Variants in SLC12A8 observed in about 807,000 individuals in gnomAD.
The protein encoded by SLC12A8 is solute carrier family 12 member 8, also known as cation-chloride cotransporter 9.
Under a neutral mutation model 75.6 loss-of-function variants are expected in SLC12A8, and 69 were observed. The ratio of observed to expected loss-of-function variants is 0.91; its 90% CI spans 0.75 to 1.11. SLC12A8 has a LOEUF of 1.11. Ranked by LOEUF, SLC12A8 falls within the 50% of genes most tolerant of loss-of-function variation. The probability of loss-of-function intolerance (pLI) is 0.00; values close to 1 mark genes in which losing one functional copy is unlikely to be tolerated. For synonymous variants in SLC12A8, 365 were observed against 372.8 expected (o/e 0.98, Z 0.24); for missense variants, 877 against 896.7 (o/e 0.98, Z 0.28).
chr3:125,210,514 C>T (rs1218920488), intron 2 of SLC12A8, among the ~76,000 whole-genome samples: 1 of 152,158 alleles, frequency 6.6e-6, no homozygotes, highest in Non-Finnish European at 1.5e-5. Flanking sequence ...CTCAGAATGT[C>T]TTATTTGTCT....
chr3:125,148,011 C>T (rs560387161), intron 5 of SLC12A8, among the ~76,000 whole-genome samples: 9 of 152,118 alleles, frequency 5.9e-5, no homozygotes, highest in Non-Finnish European at 1.0e-4. Flanking sequence ...GCGAGGCAGG[C>T]GTTATTACCT....
intron 4 of SLC12A8, among the ~76,000 whole-genome samples, chr3:125,179,729 G>A (rs370618294): frequency 7.7e-6 from 1 of 129,098 alleles, no homozygotes; most frequent in African/African-American, 3.0e-5. Flanking sequence ...GAGAGAGAGA[G>A]AGAAAGAGAA....
chr3:125,149,758 A>T (rs1177055157), intron 5 of SLC12A8, among the ~76,000 whole-genome samples: 1 of 152,026 alleles, frequency 6.6e-6, no homozygotes, highest in Non-Finnish European at 1.5e-5. Flanking sequence ...GCAGAGGGGA[A>T]AAAGAGAGAC....
intron 5 of SLC12A8, among the ~76,000 whole-genome samples, chr3:125,175,467 C>T (rs1358218783): frequency 1.3e-5 from 2 of 152,036 alleles, no homozygotes; most frequent in Non-Finnish European, 2.9e-5. Context: ...AATGTATTGA[C>T]CAGAAGGAAG....
chr3:125,190,434 T>G lies in SLC12A8; in HGVS notation c.139A>C (p.Thr47Pro), dbSNP rs950775065. ...CCAAAGATGTTGATCATGCAGGATG[T>G]GAACACACCATCCCAGGTCCCAAAC... is the stretch of plus-strand genomic sequence containing the variant. ...VLFGTWDGVFTSCMINIFGVV... is the reference protein window; with the variant it reads ...VLFGTWDGVFPSCMINIFGVV... The change falls in exon 3 of 14, where the codon ACA becomes CCA. Residue 47 changes from threonine (T) to proline (P), a missense_variant. Transcript: ENST00000469902. 32 of 1,614,026 alleles carry G rather than the reference T, an allele frequency of 2.0e-5. No homozygotes were observed. The highest frequency in any genetic ancestry group is 2.7e-5 in the Non-Finnish European group (32 of 1,180,028).
At chr3:125,090,962 T>C (rs1158200413) in intron 12 of SLC12A8, among the ~76,000 whole-genome samples, 3 of 152,208 alleles carry the variant, frequency 2.0e-5, no homozygotes, top group Non-Finnish European at 4.4e-5. Flanking sequence ...TAAACCATCT[T>C]GTTATTTGTT....
intron 5 of SLC12A8, among the ~76,000 whole-genome samples, chr3:125,142,616 G>A (rs1240867478): frequency 6.6e-6 from 1 of 152,212 alleles, no homozygotes; most frequent in Non-Finnish European, 1.5e-5. Context: ...ACTCACTGTG[G>A]GACTGTAAAC....
intron 5 of SLC12A8, among the ~76,000 whole-genome samples, chr3:125,171,984 G>A (rs9820031): frequency 0.13 from 881 of 6,532 alleles, 90 homozygotes; most frequent in Non-Finnish European, 0.26. Flanking sequence ...AAGAAAAGGT[G>A]AAAATTAGGC....
intron 9 of SLC12A8, among the ~76,000 whole-genome samples, chr3:125,108,589 A>T (rs1939102964): frequency 6.6e-6 from 1 of 152,114 alleles, no homozygotes. Flanking sequence ...GGCCAGTCAC[A>T]AACTCCTGGC....
chr3:125,211,539 T>C, intron 1 of SLC12A8, 145 bp from the exon 2 acceptor site: 1 of 629,892 alleles, frequency 1.6e-6, no homozygotes, highest in Admixed American at 2.5e-5. Flanking sequence ...TCTGGAAACT[T>C]GGCCGGGTTA....
chr3:125,196,959 A>G (rs1019107047), intron 2 of SLC12A8, among the ~76,000 whole-genome samples: 11 of 152,308 alleles, frequency 7.2e-5, no homozygotes, highest in Admixed American at 3.9e-4. Flanking sequence ...ATAAGCCAAG[A>G]CATCCCAGTG....
chr3:125,182,864 TGTGTATAA>T (rs770509499), intron 4 of SLC12A8, among the ~76,000 whole-genome samples: 1 of 152,156 alleles, frequency 6.6e-6, no homozygotes, highest in African/African-American at 2.4e-5. Context: ...CATAAATACA[TGTGTATAA>T]GCCGAGGGAA....
chr3:125,169,169 G>C (rs1415285018), intron 5 of SLC12A8, among the ~76,000 whole-genome samples: 3 of 152,172 alleles, frequency 2.0e-5, no homozygotes, highest in African/African-American at 7.2e-5. Context: ...AAATCATTTT[G>C]GCATGACACT....
chr3:125,190,283 G>C (rs1934883669), intron 3 of SLC12A8, 92 bp downstream of exon 3: 2 of 1,372,202 alleles, frequency 1.5e-6, no homozygotes, highest in African/African-American at 1.4e-5. Flanking sequence ...TGTGCTTCAG[G>C]AATCTGTGGC....
chr3:125,129,176 A>T (rs984738105), intron 6 of SLC12A8, among the ~76,000 whole-genome samples: 1 of 152,198 alleles, frequency 6.6e-6, no homozygotes, highest in African/African-American at 2.4e-5. Flanking sequence ...AGAATCTGGG[A>T]ACAAGGGTTA....
chr3:125,092,808 A>G (rs1334353591), intron 10 of SLC12A8, among the ~76,000 whole-genome samples: 1 of 152,186 alleles, frequency 6.6e-6, no homozygotes, highest in African/African-American at 2.4e-5. Context: ...GGGCTTTCAG[A>G]GCTATGTCAT....
chr3:125,108,116 T>C lies in SLC12A8; in HGVS notation c.1070A>G (p.Asn357Ser), dbSNP rs762992351. The C allele has an allele frequency of 5.0e-6, 8 of 1,612,650 alleles. No individual in the cohort carries two copies. The highest frequency in any genetic ancestry group is 5.9e-6 in the Non-Finnish European group (7 of 1,179,126). The change falls in exon 10 of 14, where the codon AAC (asparagine) becomes AGC (serine). Residue 357 changes from asparagine to serine, a missense_variant. Coordinates refer to ENST00000469902, the MANE Select transcript of SLC12A8 (RefSeq NM_024628.6). ...LACLGQGKGP[N>S]KTPVAAICLT... ...GCAGATGGCAGCCACGGGTGTTTTG[T>C]TTGGCCCCTTCTGCAGGAACAAAAA...
chr3:125,138,469 A>G (rs1344106176), intron 5 of SLC12A8, among the ~76,000 whole-genome samples: 29 of 152,188 alleles, frequency 1.9e-4, no homozygotes. Context: ...TTTATGTGGA[A>G]CTGAGACATT....
chr3:125,189,498 C>A (rs1934866595), intron 3 of SLC12A8, among the ~76,000 whole-genome samples: 2 of 152,196 alleles, frequency 1.3e-5, no homozygotes, highest in South Asian at 4.1e-4. Context: ...CTGTTCCACC[C>A]CAAGGGACTT....
Sources: gnomAD v4.1 joint callset for allele counts (sites outside exome capture counted in the v4.1 genomes callset) on GRCh38, gnomAD v4.1.1 for gene constraint, MANE v1.5 for transcripts, NCBI Gene and HGNC (gene_info 2026-07-23, HGNC 2026-07-21) for gene names.